Variants in EYS observed in about 807,000 individuals in gnomAD.
EYS encodes EGF-like photoreceptor maintenance factor, also known as protein eyes shut homolog.
A neutral mutation model predicts 282.1 loss-of-function variants in EYS; 250 were observed. The ratio of observed to expected loss-of-function variants is 0.89; its 90% CI spans 0.80 to 0.98. EYS has a LOEUF of 0.98. Ranked by LOEUF, EYS falls within the 50% of genes least tolerant of loss-of-function variation. The pLI is 0.00. For missense variants in EYS, 4,016 were observed against 3,709.0 expected (o/e 1.08, Z -2.15); for synonymous variants, 1,355 against 1,282.9 (o/e 1.06, Z -1.20).
At chr6:64,799,933 A>G (rs1417911738) in intron 22 of EYS, among the ~76,000 whole-genome samples, 4 of 151,906 alleles carry the variant, frequency 2.6e-5, no homozygotes, top group Non-Finnish European at 5.9e-5. Context: ...TTGTCTCTCT[A>G]TAATATACAT....
intron 22 of EYS, among the ~76,000 whole-genome samples, chr6:64,744,892 T>G (rs566338953): frequency 5.3e-5 from 8 of 152,266 alleles, no homozygotes; most frequent in African/African-American, 1.9e-4. Context: ...ACTGGAAAGA[T>G]TTTTCTTCTC....
intron 1 of EYS, 49 bp from the exon 2 acceptor site, chr6:65,639,941 C>G (rs1767220753): frequency 6.6e-6 from 1 of 152,158 alleles, no homozygotes; most frequent in African/African-American, 2.4e-5. Flanking sequence ...AGTTTCTTCT[C>G]ATCATCCCTA....
chr6:64,478,302 C>T (rs922528694), intron 26 of EYS, among the ~76,000 whole-genome samples: 7 of 151,736 alleles, frequency 4.6e-5, no homozygotes, highest in African/African-American at 1.7e-4. Context: ...ATTTTAGGGG[C>T]TAGAACTGTG....
intron 41 of EYS, among the ~76,000 whole-genome samples, chr6:63,735,188 C>T (rs534218608): frequency 6.6e-6 from 1 of 152,194 alleles, no homozygotes; most frequent in South Asian, 2.1e-4. Flanking sequence ...TTTGGTTTCT[C>T]TGTCTACACC....
intron 29 of EYS, among the ~76,000 whole-genome samples, chr6:64,385,078 A>G (rs1772865451): frequency 6.6e-6 from 1 of 152,176 alleles, no homozygotes; most frequent in Non-Finnish European, 1.5e-5. Context: ...CTAACAGCCT[A>G]CTGTGCTTAA....
intron 30 of EYS, among the ~76,000 whole-genome samples, chr6:64,281,534 A>T (rs930113686): frequency 6.6e-6 from 1 of 152,146 alleles, no homozygotes; most frequent in South Asian, 2.1e-4. Context: ...AGAATTTTTT[A>T]AATTTATGTT....
At chr6:64,915,777 A>G (rs993648037) in intron 15 of EYS, among the ~76,000 whole-genome samples, 3 of 152,198 alleles carry the variant, frequency 2.0e-5, no homozygotes, top group Non-Finnish European at 4.4e-5. Flanking sequence ...GCTTTGAAAT[A>G]TGTAGAAGAG....
Position 65,085,550 on chromosome 6 carries a change from C to T in EYS, c.2024-27823G>A, listed in dbSNP as rs371846074. Reference sequence around the variant, plus strand: ...GCTTAAAATGAAATAATGCAATTCCCAGTTTCTGAAAGTATAAAAATTAAA... The same window carrying T: ...GCTTAAAATGAAATAATGCAATTCCTAGTTTCTGAAAGTATAAAAATTAAA... On this transcript the variant is annotated intron_variant, in intron 12 of 42. Coordinates refer to ENST00000503581, the MANE Select transcript of EYS (RefSeq NM_001142800.2). 4.0e-4 allele frequency among the ~76,000 whole-genome samples: 61 copies of T among 152,066 alleles called. 1 individual carries two copies. The highest frequency in any genetic ancestry group is 4.2e-4 in the South Asian group (2 of 4,816).
chr6:65,134,467 G>A (rs1216106993), intron 12 of EYS, among the ~76,000 whole-genome samples: 10 of 151,982 alleles, frequency 6.6e-5, no homozygotes, highest in Admixed American at 6.6e-4. Context: ...ACAGCTGGAG[G>A]CCATCATCCT....
At chr6:65,554,631 C>T (rs1768725767) in intron 2 of EYS, among the ~76,000 whole-genome samples, 2 of 152,086 alleles carry the variant, frequency 1.3e-5, no homozygotes, top group Admixed American at 1.3e-4. Flanking sequence ...TCACCATTTC[C>T]CCCAGACACA....
At chr6:64,064,844 G>C (rs1771309296) in intron 33 of EYS, among the ~76,000 whole-genome samples, 1 of 152,128 alleles carries the variant, frequency 6.6e-6, no homozygotes, top group Admixed American at 6.5e-5. Flanking sequence ...CTTTTAAACA[G>C]TTTTCTGTTA....
At chr6:63,872,552 C>A (rs945416219) in intron 35 of EYS, among the ~76,000 whole-genome samples, 6 of 141,516 alleles carry the variant, frequency 4.2e-5, no homozygotes, top group Admixed American at 3.8e-4. Flanking sequence ...GAATTCGGTT[C>A]ACTGCAGCCT....
At position 65,700,114 on chromosome 6, in the gene EYS, C is replaced by CAAAAAA. The variant is rs1178482636; in HGVS notation, c.-448+7015_-448+7020dup. Among the ~76,000 whole-genome samples, 21 of 51,788 alleles carry CAAAAAA rather than the reference C, an allele frequency of 4.1e-4. 2 individuals carry two copies. The highest frequency in any genetic ancestry group is 1.5e-3 in the African/African-American group (16 of 10,414). 34.0% of individuals were successfully genotyped at this position (51,788 alleles called of 152,430 possible). On this transcript the variant is annotated intron_variant, in intron 1 of 42. Coordinates refer to ENST00000503581, the MANE Select transcript of EYS (RefSeq NM_001142800.2). ...TGGGTGACAGAGCGAGACTCCGTCT[C>CAAAAAA]AAAAAAAAAAAAAAAAAAAAAAAAA...
At chr6:64,870,427 C>CAAAAAA (rs200730166) in intron 19 of EYS, among the ~76,000 whole-genome samples, 2 of 112,042 alleles carry the variant, frequency 1.8e-5, no homozygotes, top group African/African-American at 6.6e-5. Context: ...CTCCCCCCTC[C>CAAAAAA]AAAAAAAAAA....
intron 31 of EYS, among the ~76,000 whole-genome samples, chr6:64,220,625 A>G (rs1766071979): frequency 6.6e-6 from 1 of 152,152 alleles, no homozygotes; most frequent in South Asian, 2.1e-4. Context: ...GTCAATCAGG[A>G]CATGGTAGGA....
chr6:64,764,115 C>G (rs1466524987), intron 22 of EYS, among the ~76,000 whole-genome samples: 1 of 152,092 alleles, frequency 6.6e-6, no homozygotes, highest in African/African-American at 2.4e-5. Context: ...GGATGGTGGC[C>G]CTGTTCTCAC....
Position 64,813,462 on chromosome 6 carries a change from T to A in EYS, c.3359A>T (p.Asn1120Ile). The A allele has an allele frequency of 6.5e-7, 1 of 1,550,286 alleles. No homozygotes were observed. The highest frequency in any genetic ancestry group is 8.7e-7 in the Non-Finnish European group (1 of 1,146,122). The change falls in exon 22 of 43, where the codon AAT becomes ATT. Residue 1120 changes from asparagine to isoleucine, a missense_variant. Coordinates refer to ENST00000503581, the MANE Select transcript of EYS (RefSeq NM_001142800.2). Reference sequence around the variant, plus strand: ...TGAATTAAGTTCAGGCTCAGCACAATTATCAATGCTTTTTTCACAGTATGC... The same window carrying A: ...TGAATTAAGTTCAGGCTCAGCACAAATATCAATGCTTTTTTCACAGTATGC... ...TGAYCEKSID[N>I]CAEPELNSVI...
intron 12 of EYS, among the ~76,000 whole-genome samples, chr6:65,063,052 C>T (rs1343324581): frequency 6.6e-6 from 1 of 151,816 alleles, no homozygotes; most frequent in African/African-American, 2.4e-5. Context: ...TAAATGAATT[C>T]ATGTATTCTT....
intron 22 of EYS, among the ~76,000 whole-genome samples, chr6:64,634,195 C>T (rs1767889541): frequency 1.3e-5 from 2 of 152,134 alleles, no homozygotes; most frequent in South Asian, 4.1e-4. Flanking sequence ...TGTTGGCCAG[C>T]ATGATCTCGA....
Sources: gnomAD v4.1 joint callset for allele counts (sites outside exome capture counted in the v4.1 genomes callset) on GRCh38, gnomAD v4.1.1 for gene constraint, MANE v1.5 for transcripts, NCBI Gene and HGNC (gene_info 2026-07-23, HGNC 2026-07-21) for gene names.